COX10: variants seen among roughly 807,000 people sequenced by gnomAD.
COX10 encodes the protein protoheme IX farnesyltransferase, mitochondrial.
In COX10, 27 loss-of-function variants were observed where a neutral mutation model predicts 37.3. The observed-to-expected ratio is 0.72, with a 90% CI of 0.53 to 1.00. The LOEUF (loss-of-function observed/expected upper bound fraction) is 1.00, where lower values mean the gene tolerates loss of function less well. Among genes scored for constraint, COX10 ranks in the 50% least tolerant of loss-of-function variants. COX10 has a pLI of 0.00. For missense variants in COX10, 475 were observed against 563.2 expected, an observed-to-expected ratio of 0.84 and a Z score of 1.59; for synonymous variants, 222 against 229.1, an observed-to-expected ratio of 0.97 and a Z score of 0.28.
intron 4 of COX10, among the ~76,000 whole-genome samples, chr17:14,119,671 G>T (rs957496640): frequency 4.6e-5 from 7 of 152,210 alleles, no homozygotes; most frequent in Middle Eastern, 3.4e-3. Flanking sequence ...CAAGGAAGAG[G>T]GTTCTGGGCA....
At chr17:14,092,174 TA>T (rs1915542844) in intron 3 of COX10, among the ~76,000 whole-genome samples, 1 of 152,162 alleles carries the variant, frequency 6.6e-6, no homozygotes, top group Non-Finnish European at 1.5e-5. Flanking sequence ...AAAATTAGCT[TA>T]ATATAACAGC....
intron 4 of COX10, among the ~76,000 whole-genome samples, chr17:14,139,689 G>T (rs550260727): frequency 2.0e-5 from 3 of 152,136 alleles, no homozygotes; most frequent in Admixed American, 6.5e-5. Flanking sequence ...AAAAATACAG[G>T]TGGGCATATT....
At chr17:14,080,316 C>T (rs141896583) in intron 3 of COX10, among the ~76,000 whole-genome samples, 3,969 of 151,064 alleles carry the variant, frequency 0.026, 75 homozygotes, top group Non-Finnish European at 0.038. Flanking sequence ...CTCCGCCTCC[C>T]GGGTTCACAT....
chr17:14,122,406 A>T (rs1916249797), intron 4 of COX10, among the ~76,000 whole-genome samples: 1 of 152,160 alleles, frequency 6.6e-6, no homozygotes, highest in Non-Finnish European at 1.5e-5. Context: ...CACCATCTGT[A>T]ATCTTACCAG....
chr17:14,117,756 G>A (rs1353390100), intron 4 of COX10, among the ~76,000 whole-genome samples: 1 of 152,190 alleles, frequency 6.6e-6, no homozygotes, highest in Non-Finnish European at 1.5e-5. Flanking sequence ...CTGTCTGCAG[G>A]CGGCTTGTGT....
At chr17:14,152,313 A>C (rs1256993271) in intron 4 of COX10, among the ~76,000 whole-genome samples, 2 of 152,196 alleles carry the variant, frequency 1.3e-5, no homozygotes, top group African/African-American at 4.8e-5. Context: ...CACATCTTAC[A>C]TGCAGCAGGT....
chr17:14,148,534 G>A (rs968379804), intron 4 of COX10, among the ~76,000 whole-genome samples: 11 of 152,246 alleles, frequency 7.2e-5, no homozygotes, highest in African/African-American at 1.9e-4. Context: ...TGTTGACAGC[G>A]TTGAGAAGAT....
intron 2 of COX10, 82 bp from the exon 3 acceptor site, chr17:14,076,653 G>T: frequency 7.8e-7 from 1 of 1,283,106 alleles, no homozygotes; most frequent in Non-Finnish European, 1.1e-6. Flanking sequence ...GTAAAAGCTG[G>T]TCTGATTGAA....
chr17:14,116,142 C>A (rs1056751197), intron 4 of COX10, among the ~76,000 whole-genome samples: 1 of 151,984 alleles, frequency 6.6e-6, no homozygotes, highest in East Asian at 1.9e-4. Flanking sequence ...GCATTAATTT[C>A]ATCTTCTTTG....
intron 5 of COX10, among the ~76,000 whole-genome samples, chr17:14,163,701 T>C (rs1905217559): frequency 6.6e-6 from 1 of 152,222 alleles, no homozygotes; most frequent in South Asian, 2.1e-4. Context: ...CTATTCATCG[T>C]GATGCAAGAA....
chr17:14,165,556 C>T (rs1905263686), intron 5 of COX10, among the ~76,000 whole-genome samples: 1 of 152,174 alleles, frequency 6.6e-6, no homozygotes, highest in African/African-American at 2.4e-5. Context: ...CTCCTTGGAC[C>T]TCCCTATTCC....
At chr17:14,155,731 A>G (rs952471694) in intron 4 of COX10, among the ~76,000 whole-genome samples, 1 of 142,646 alleles carries the variant, frequency 7.0e-6, no homozygotes, top group Admixed American at 7.0e-5. Flanking sequence ...AAAAAGAAAA[A>G]AAAAGAAAAC....
chr17:14,196,366 C>T (rs1412113855), intron 6 of COX10, among the ~76,000 whole-genome samples: 1 of 152,162 alleles, frequency 6.6e-6, no homozygotes, highest in African/African-American at 2.4e-5. Flanking sequence ...TAACTTACCC[C>T]AAACTGGTCC....
chr17:14,183,120 A>G (rs1905916504), intron 5 of COX10, among the ~76,000 whole-genome samples: 1 of 149,264 alleles, frequency 6.7e-6, no homozygotes, highest in African/African-American at 2.5e-5. Context: ...TTTCTACAGT[A>G]GCCTTGGGCA....
At chr17:14,173,722 AAGAG>A (rs1343757320) in intron 5 of COX10, among the ~76,000 whole-genome samples, 1 of 152,250 alleles carries the variant, frequency 6.6e-6, no homozygotes, top group Non-Finnish European at 1.5e-5. Context: ...ATAATAAGGC[AAGAG>A]AGAGAAAGAA....
At chr17:14,124,605 A>C (rs140632921) in intron 4 of COX10, among the ~76,000 whole-genome samples, 9 of 152,224 alleles carry the variant, frequency 5.9e-5, no homozygotes, top group African/African-American at 2.2e-4. Context: ...TGGTATATTC[A>C]TTTCATAACA....
chr17:14,191,639 G>A (rs1026535661), intron 5 of COX10, among the ~76,000 whole-genome samples: 4 of 152,140 alleles, frequency 2.6e-5, no homozygotes, highest in Non-Finnish European at 5.9e-5. Flanking sequence ...TCAACCCTAG[G>A]AGGAAAAGAT....
chr17:14,109,167 G>C lies in COX10; in HGVS notation c.624+6925G>C, dbSNP rs189740007. ...ATGATTCAAATTAGCTACTGCACTAGATCAGGTTTGCCTAGAGAGTTCTTG... is the reference window on the plus strand; with the variant it reads ...ATGATTCAAATTAGCTACTGCACTACATCAGGTTTGCCTAGAGAGTTCTTG... On this transcript the variant is annotated intron_variant, in intron 4 of 6. Coordinates refer to ENST00000261643, the MANE Select transcript of COX10 (RefSeq NM_001303.4). 1.6e-3 allele frequency among the ~76,000 whole-genome samples: 239 copies of C among 152,282 alleles called. 4 individuals are homozygous for C. Among genetic ancestry groups the C allele is most frequent in the Non-Finnish European group, 2.6e-4 (18 of 68,006 alleles).
At chr17:14,106,987 T>C (rs1468294379) in intron 4 of COX10, among the ~76,000 whole-genome samples, 1 of 152,214 alleles carries the variant, frequency 6.6e-6, no homozygotes, top group Non-Finnish European at 1.5e-5. Flanking sequence ...TACAGAAATT[T>C]TAATAATTTC....
Sources: gnomAD v4.1 joint callset for allele counts (sites outside exome capture counted in the v4.1 genomes callset) on GRCh38, gnomAD v4.1.1 for gene constraint, MANE v1.5 for transcripts, NCBI Gene and HGNC (gene_info 2026-07-23, HGNC 2026-07-21) for gene names.